Variants in ARFGEF1 observed in about 807,000 individuals in gnomAD.
ARFGEF1 encodes brefeldin A-inhibited guanine nucleotide-exchange protein 1.
ARFGEF1 carries 42 observed loss-of-function variants against 231.0 expected under a neutral mutation model. That is an observed-to-expected ratio of 0.18 (90% CI 0.14 to 0.24). The LOEUF (loss-of-function observed/expected upper bound fraction) is 0.24, where lower values mean the gene tolerates loss of function less well. ARFGEF1 is among the 10% of genes least tolerant of loss of function. The pLI, the probability that ARFGEF1 is intolerant of heterozygous loss-of-function variation, is 1.00. For synonymous variants in ARFGEF1, 710 were observed against 732.3 expected, an observed-to-expected ratio of 0.97 and a Z score of 0.49; for missense variants, 1,345 against 2,192.0, an observed-to-expected ratio of 0.61 and a Z score of 7.72.
At chr8:67,272,595 AATC>A (rs1217410515) in intron 9 of ARFGEF1, among the ~76,000 whole-genome samples, 3 of 152,218 alleles carry the variant, frequency 2.0e-5, no homozygotes, top group Non-Finnish European at 4.4e-5. Context: ...ACTTCTTACA[AATC>A]ATCATCAACT....
chr8:67,203,754 A>G (rs1378302634), intron 35 of ARFGEF1, among the ~76,000 whole-genome samples: 1 of 152,194 alleles, frequency 6.6e-6, no homozygotes, highest in Non-Finnish European at 1.5e-5. Flanking sequence ...CATTCTTCCA[A>G]ATCTCACATG....
chr8:67,180,331 T>C (rs1354907302), intron 5 of ARFGEF1, among the ~76,000 whole-genome samples: 1 of 152,126 alleles, frequency 6.6e-6, no homozygotes, highest in Non-Finnish European at 1.5e-5. Context: ...AAAAAGACAA[T>C]CCCAATAAGT....
At chr8:67,246,057 G>A (rs1840097036) in intron 19 of ARFGEF1, among the ~76,000 whole-genome samples, 1 of 149,960 alleles carries the variant, frequency 6.7e-6, no homozygotes, top group Non-Finnish European at 1.5e-5. Flanking sequence ...ATTGTGTGTG[G>A]ATGTGTGTGT....
At chr8:67,174,054 G>C (rs1831037105), downstream of ARFGEF1, 1 of 151,996 alleles carries the variant, frequency 6.6e-6, no homozygotes, top group Non-Finnish European at 1.5e-5. Flanking sequence ...AAAGCTCTTT[G>C]GGGTCCTCAA....
At chr8:67,263,961 C>T (rs1216693469) in intron 14 of ARFGEF1, among the ~76,000 whole-genome samples, 1 of 151,958 alleles carries the variant, frequency 6.6e-6, no homozygotes, top group Non-Finnish European at 1.5e-5. Flanking sequence ...AGAAGCCATA[C>T]TAAAACACAA....
chr8:67,328,702 A>T (rs1373313225), intron 1 of ARFGEF1, among the ~76,000 whole-genome samples: 6 of 152,226 alleles, frequency 3.9e-5, no homozygotes, highest in Non-Finnish European at 8.8e-5. Context: ...GTAAGGATAC[A>T]TCAAGAGTTG....
chr8:67,190,800 A>AT, intron 5 of ARFGEF1: 1 of 1,424,512 alleles, frequency 7.0e-7, no homozygotes, highest in Non-Finnish European at 9.9e-7. Context: ...ACTTAGAAGA[A>AT]TGAGAGGTCT....
chr8:67,238,453 A>G lies in ARFGEF1; in HGVS notation c.3179T>C (p.Ile1060Thr), dbSNP rs1839834399. The change falls in exon 22 of 39, where the codon ATA becomes ACA. Residue 1060 changes from isoleucine (I) to threonine (T), a missense_variant. Physicochemically the swap from Ile to Thr is moderately conservative, Grantham distance 89. Around this residue, in one of 14 missense-constraint regions of ARFGEF1, gnomAD observed 146 missense variants for 321.4 expected, o/e 0.45. Transcript: ENST00000262215. ...GTATCGAGGTTTCACTCCAGTTCCT[A>G]TAAGCTGTGCCAGCTCCAACTGACT... The part of the protein sequence containing the change: ...CISQLELAQL[I>T]GTGVKPRYIS... 1.2e-6 allele frequency: 2 copies of G among 1,613,760 alleles called. No individual in the cohort carries two copies. The highest frequency in any genetic ancestry group is 1.7e-5 in the Admixed American group (1 of 59,960).
At chr8:67,189,520 A>T (rs1835608330) in intron 5 of ARFGEF1, among the ~76,000 whole-genome samples, 2 of 152,242 alleles carry the variant, frequency 1.3e-5, no homozygotes. Flanking sequence ...CTTATTCAAT[A>T]AAAGTTATTC....
chr8:67,198,240 A>C lies in ARFGEF1; in HGVS notation c.*694T>G. On this transcript the variant is annotated 3_prime_UTR_variant, in exon 39 of 39. Coordinates refer to ENST00000262215, the MANE Select transcript of ARFGEF1 (RefSeq NM_006421.5). ...ATCACCACCTACCAAAAAGGGCAAA[A>C]CTAAAAATCCCTATAAAATAAAAAA... The C allele has an allele frequency of 1.0e-6, 1 of 985,850 alleles. No individual in the cohort carries two copies. Among genetic ancestry groups the C allele is most frequent in the Non-Finnish European group, 1.2e-6 (1 of 829,940 alleles). 61.1% of individuals were successfully genotyped at this position (985,850 alleles called of 1,614,324 possible).
At chr8:67,284,528 T>C (rs1350405445) in intron 7 of ARFGEF1, among the ~76,000 whole-genome samples, 2 of 152,230 alleles carry the variant, frequency 1.3e-5, no homozygotes, top group African/African-American at 4.8e-5. Context: ...CACTCATCTT[T>C]AGTAGGATAT....
At chr8:67,277,846 G>T (rs1248092118) in intron 7 of ARFGEF1, among the ~76,000 whole-genome samples, 1 of 152,120 alleles carries the variant, frequency 6.6e-6, no homozygotes, top group East Asian at 1.9e-4. Flanking sequence ...TGGGAAATAG[G>T]TTTCTTTATT....
intron 1 of ARFGEF1, among the ~76,000 whole-genome samples, chr8:67,327,514 T>C (rs1807890740): frequency 6.6e-6 from 1 of 152,050 alleles, no homozygotes; most frequent in Admixed American, 6.6e-5. Context: ...TAGATGGGGT[T>C]TCACCACGTT....
intron 15 of ARFGEF1, among the ~76,000 whole-genome samples, chr8:67,258,534 G>C (rs1840537089): frequency 6.6e-6 from 1 of 151,764 alleles, no homozygotes; most frequent in Non-Finnish European, 1.5e-5. Flanking sequence ...CACCATCTTG[G>C]CCAGGCTGGT....
chr8:67,311,779 G>A (rs1807079831), intron 1 of ARFGEF1, among the ~76,000 whole-genome samples: 1 of 152,236 alleles, frequency 6.6e-6, no homozygotes, highest in East Asian at 1.9e-4. Context: ...GACAATGGCG[G>A]CTTTGTGGAA....
chr8:67,263,143 T>TA (rs1332626078), intron 14 of ARFGEF1, among the ~76,000 whole-genome samples: 5 of 152,226 alleles, frequency 3.3e-5, no homozygotes, highest in Non-Finnish European at 7.3e-5. Flanking sequence ...AATCTATTTT[T>TA]AGAGTCTATT....
intron 8 of ARFGEF1, among the ~76,000 whole-genome samples, chr8:67,276,749 T>C (rs1432905993): frequency 1.3e-5 from 2 of 152,214 alleles, no homozygotes; most frequent in Admixed American, 1.3e-4. Context: ...TTGAGTTACC[T>C]GAAATGCTTG....
At chr8:67,339,400 A>G (rs1587354246) in intron 1 of ARFGEF1, among the ~76,000 whole-genome samples, 1 of 152,008 alleles carries the variant, frequency 6.6e-6, no homozygotes, top group South Asian at 2.1e-4. Flanking sequence ...GTATCTTCAT[A>G]GATACTCTTC....
intron 29 of ARFGEF1, among the ~76,000 whole-genome samples, chr8:67,221,328 A>G (rs1282183872): frequency 3.9e-5 from 6 of 152,200 alleles, no homozygotes; most frequent in African/African-American, 7.2e-5. Flanking sequence ...AGGAGATGAC[A>G]GCTCCATATG....
Sources: gnomAD v4.1 joint callset for allele counts (sites outside exome capture counted in the v4.1 genomes callset) on GRCh38, gnomAD v4.1.1 for gene constraint, gnomAD v4.1.1 regional missense constraint, MANE v1.5 for transcripts, NCBI Gene and HGNC (gene_info 2026-07-23, HGNC 2026-07-21) for gene names.